The following NMNAT1 variants were observed in gnomAD, a reference collection of about 807,000 sequenced individuals.
The protein encoded by NMNAT1 is nicotinamide nucleotide adenylyltransferase 1.
Under a neutral mutation model 16.7 loss-of-function variants are expected in NMNAT1, and 11 were observed. The ratio of observed to expected loss-of-function variants is 0.66; its 90% confidence interval spans 0.41 to 1.09. The LOEUF is 1.09. Ranked by LOEUF, NMNAT1 falls within the 50% of genes least tolerant of loss-of-function variation. The pLI is 0.00. For missense variants in NMNAT1, 280 were observed against 332.3 expected, an observed-to-expected ratio of 0.84 and a Z score of 1.22; for synonymous variants, 110 against 119.8, an observed-to-expected ratio of 0.92 and a Z score of 0.53.
Position 9,983,055 on chromosome 1 carries a change from A to C in NMNAT1, c.*354A>C, listed in dbSNP as rs1641981817. On this transcript the variant is annotated 3_prime_UTR_variant, in exon 5 of 5. Coordinates refer to ENST00000377205, the MANE Select transcript of NMNAT1 (RefSeq NM_022787.4). Reference sequence around the variant, plus strand: ...CAGGTGGTGGAGGTTGCAGTGAGCCAAGATTGCACCATTGCACTCCAGCCT... The same window carrying C: ...CAGGTGGTGGAGGTTGCAGTGAGCCCAGATTGCACCATTGCACTCCAGCCT... The C allele has an allele frequency of 5.6e-6, 1 of 178,822 alleles. No homozygotes were observed. The highest frequency in any genetic ancestry group is 2.4e-5 in the African/African-American group (1 of 41,782). The allele number at this position is 178,822 out of a possible 1,614,324, so 11.1% of individuals were successfully genotyped here.
chr1:9,972,338 G>A (rs1641708847), intron 2 of NMNAT1, 150 bp downstream of exon 2: 1 of 572,080 alleles, frequency 1.7e-6, no homozygotes, highest in African/African-American at 1.9e-5. Flanking sequence ...GTAAAACCCT[G>A]TCTCTACTAA....
At chr1:9,953,137 C>A (rs181405365) in intron 1 of NMNAT1, among the ~76,000 whole-genome samples, 13 of 152,022 alleles carry the variant, frequency 8.6e-5, no homozygotes, top group African/African-American at 1.9e-4. Flanking sequence ...CCCGCCACCA[C>A]GCCTGGCTAA....
At chr1:9,960,557 A>G (rs1393937905) in intron 1 of NMNAT1, among the ~76,000 whole-genome samples, 1 of 152,042 alleles carries the variant, frequency 6.6e-6, no homozygotes, top group African/African-American at 2.4e-5. Context: ...CAGTGGCTCA[A>G]TTTCAGCCTC....
chr1:9,991,712 C>T, the NMNAT1 span, among the ~76,000 whole-genome samples: 2 of 150,952 alleles, frequency 1.3e-5, no homozygotes, highest in Non-Finnish European at 2.9e-5. Flanking sequence ...AAAAGGCAGT[C>T]AATAAAAAAG....
At chr1:9,957,353 C>T (rs1472712823) in intron 1 of NMNAT1, among the ~76,000 whole-genome samples, 3 of 149,708 alleles carry the variant, frequency 2.0e-5, no homozygotes, top group Admixed American at 6.7e-5. Flanking sequence ...TTTTTTGAGA[C>T]GCAGTCTCAC....
At position 9,983,484 on chromosome 1, in the gene NMNAT1, A is replaced by G. The variant is rs1422776094; in HGVS notation, c.*783A>G. The G allele has an allele frequency of 6.0e-5, 9 of 150,932 alleles. No individual in the cohort carries two copies. The highest frequency in any genetic ancestry group is 2.7e-4 in the Admixed American group (4 of 15,044). 9.3% of individuals were successfully genotyped at this position (150,932 alleles called of 1,614,324 possible). A position where few individuals can be genotyped will look rare whatever the true frequency, so the allele number is the denominator to read the frequency against. On this transcript the variant is annotated 3_prime_UTR_variant, in exon 5 of 5. Transcript: ENST00000377205. ...AGCCTGGCCAATATGGTGAAACCCC[A>G]TCTCTACTAAGAATACAAAAAATTA...
At chr1:9,978,332 G>T (rs1641859924) in intron 3 of NMNAT1, among the ~76,000 whole-genome samples, 1 of 152,206 alleles carries the variant, frequency 6.6e-6, no homozygotes, top group Admixed American at 6.6e-5. Flanking sequence ...CTCCAGCCTG[G>T]GTGACAGAGT....
intron 1 of NMNAT1, among the ~76,000 whole-genome samples, chr1:9,948,221 T>C (rs1330981041): frequency 6.6e-6 from 1 of 152,142 alleles, no homozygotes; most frequent in Non-Finnish European, 1.5e-5. Flanking sequence ...AGAGATACTT[T>C]GGGAGATTTT....
the NMNAT1 span, among the ~76,000 whole-genome samples, chr1:9,994,101 C>CTTTTTTTT: frequency 9.4e-6 from 1 of 106,202 alleles, no homozygotes; most frequent in African/African-American, 4.6e-5. Context: ...CAAATGTTAG[C>CTTTTTTTT]TTTTTTTTTT....
intron 1 of NMNAT1, among the ~76,000 whole-genome samples, chr1:9,948,513 G>A (rs200126416): frequency 1.3e-5 from 2 of 152,220 alleles, no homozygotes; most frequent in East Asian, 3.9e-4. Flanking sequence ...TCCGGGAGGT[G>A]GAGGTTGCAG....
At position 9,985,136 on chromosome 1, in the gene NMNAT1, G is replaced by T. The variant is rs1480746823; in HGVS notation, c.*2435G>T. The T allele has an allele frequency of 1.3e-5, 2 of 152,056 alleles. No individual in the cohort carries two copies. The highest frequency in any genetic ancestry group is 2.9e-5 in the Non-Finnish European group (2 of 68,034). The allele number at this position is 152,056 out of a possible 1,614,324, so 9.4% of individuals were successfully genotyped here. On this transcript the variant is annotated 3_prime_UTR_variant, in exon 5 of 5. Coordinates refer to ENST00000377205, the MANE Select transcript of NMNAT1 (RefSeq NM_022787.4). ...AACATTCTCATAATTTTTCTCAAAG[G>T]CCTATGATCTAAACATTTCACCACG... is the stretch of plus-strand genomic sequence containing the variant.
At chr1:9,942,987 G>T (rs138070210), upstream of NMNAT1, 1,699 of 345,158 alleles carry the variant, frequency 4.9e-3, 27 homozygotes, top group South Asian at 3.5e-3. Context: ...ATCCGGACAC[G>T]CCTTGAGGGA....
chr1:9,976,115 C>T (rs991030700), intron 3 of NMNAT1, among the ~76,000 whole-genome samples: 5 of 151,876 alleles, frequency 3.3e-5, no homozygotes, highest in Admixed American at 1.3e-4. Context: ...GGTGAAAACC[C>T]GTCTCTACTA....
chr1:9,954,459 C>T (rs1641202553), intron 1 of NMNAT1, among the ~76,000 whole-genome samples: 1 of 152,012 alleles, frequency 6.6e-6, no homozygotes, highest in African/African-American at 2.4e-5. Flanking sequence ...GATCCTCCCA[C>T]CTCAGCCTCA....
At chr1:9,992,953 G>A in the NMNAT1 span, among the ~76,000 whole-genome samples, 2 of 152,136 alleles carry the variant, frequency 1.3e-5, no homozygotes, top group East Asian at 3.9e-4. Context: ...ACCCCTAATA[G>A]TGACTTTTGA....
intron 1 of NMNAT1, among the ~76,000 whole-genome samples, chr1:9,970,832 G>T (rs1191967403): frequency 1.1e-4 from 16 of 152,142 alleles, no homozygotes; most frequent in Non-Finnish European, 2.9e-5. Context: ...GGAAAGTTAT[G>T]ATGTTACTAT....
chr1:9,996,309 CAAAAAAA>C, the NMNAT1 span, among the ~76,000 whole-genome samples: 1 of 101,916 alleles, frequency 9.8e-6, no homozygotes. Flanking sequence ...GACTCCGTCT[CAAAAAAA>C]AAAAAAAAAA....
intron 1 of NMNAT1, among the ~76,000 whole-genome samples, chr1:9,959,736 C>T (rs1641359802): frequency 6.6e-6 from 1 of 152,024 alleles, no homozygotes. Context: ...TTCTAACTCC[C>T]TTCTTCACTG....
intron 1 of NMNAT1, among the ~76,000 whole-genome samples, chr1:9,954,061 C>T (rs1474718841): frequency 6.6e-6 from 1 of 151,936 alleles, no homozygotes; most frequent in East Asian, 1.9e-4. Flanking sequence ...CTGCCTCGGC[C>T]TCCCAAAGTG....
Sources: allele counts gnomAD v4.1 joint callset (sites outside exome capture counted in the v4.1 genomes callset), GRCh38; gene constraint gnomAD v4.1.1; transcripts MANE v1.5; gene names NCBI Gene and HGNC (gene_info 2026-07-23, HGNC 2026-07-21).